DLG2: variants seen among roughly 807,000 people sequenced by gnomAD.
DLG2 encodes the protein discs large MAGUK scaffold protein 2.
In DLG2, 45 loss-of-function variants were observed where a neutral mutation model predicts 132.5. The ratio of observed to expected loss-of-function variants is 0.34; its 90% CI spans 0.27 to 0.44. The LOEUF (loss-of-function observed/expected upper bound fraction) is 0.44. Among genes scored for constraint, DLG2 ranks in the 20% least tolerant of loss-of-function variants. The pLI is 1.00. For missense variants in DLG2, 1,045 were observed against 1,196.9 expected, an observed-to-expected ratio of 0.87 and a Z score of 1.87; for synonymous variants, 424 against 419.6, an observed-to-expected ratio of 1.01 and a Z score of -0.13.
chr11:85,381,592 T>C (rs1270306729), intron 3 of DLG2, among the ~76,000 whole-genome samples: 2 of 152,108 alleles, frequency 1.3e-5, no homozygotes, highest in African/African-American at 4.8e-5. Context: ...ATCTCGTATA[T>C]AGAAAATACT....
intron 3 of DLG2, among the ~76,000 whole-genome samples, chr11:85,568,679 T>C (rs2077671108): frequency 6.6e-6 from 1 of 152,226 alleles, no homozygotes; most frequent in Admixed American, 6.5e-5. Context: ...ATTTCAACTA[T>C]GTTGTCTAAT....
At chr11:83,882,858 G>A (rs150129476) in intron 15 of DLG2, among the ~76,000 whole-genome samples, 1 of 152,172 alleles carries the variant, frequency 6.6e-6, no homozygotes, top group Non-Finnish European at 1.5e-5. Context: ...TAGCATGGGA[G>A]AATTTGGAGT....
chr11:84,227,439 T>G (rs2097017614), intron 8 of DLG2, among the ~76,000 whole-genome samples: 1 of 152,080 alleles, frequency 6.6e-6, no homozygotes, highest in Non-Finnish European at 1.5e-5. Flanking sequence ...GCAAAGAGGA[T>G]TGAACCCCCT....
intron 7 of DLG2, among the ~76,000 whole-genome samples, chr11:84,480,067 ATTC>A (rs1367764905): frequency 6.6e-6 from 1 of 152,150 alleles, no homozygotes; most frequent in African/African-American, 2.4e-5. Flanking sequence ...TTTTGCTTAC[ATTC>A]TTCTCGTCAT....
intron 6 of DLG2, among the ~76,000 whole-genome samples, chr11:85,017,120 C>G (rs913995577): frequency 2.0e-5 from 3 of 152,144 alleles, no homozygotes. Flanking sequence ...TACTCTCTAG[C>G]CCTTTACTGG....
chr11:83,816,569 C>T (rs1171374059), intron 17 of DLG2, among the ~76,000 whole-genome samples: 2 of 151,966 alleles, frequency 1.3e-5, no homozygotes, highest in Non-Finnish European at 2.9e-5. Flanking sequence ...ATAATACATG[C>T]AGTGTAAGGT....
chr11:85,044,857 G>A (rs1420996382), intron 6 of DLG2, among the ~76,000 whole-genome samples: 1 of 151,926 alleles, frequency 6.6e-6, no homozygotes, highest in Non-Finnish European at 1.5e-5. Context: ...ATGTTTATAG[G>A]AGTTTCATTT....
At chr11:83,719,627 G>A (rs1425207083) in intron 18 of DLG2, among the ~76,000 whole-genome samples, 7 of 152,106 alleles carry the variant, frequency 4.6e-5, no homozygotes, top group Middle Eastern at 3.2e-3. Flanking sequence ...AGCTCTGAAG[G>A]AATTTACTCA....
intron 5 of DLG2, among the ~76,000 whole-genome samples, chr11:85,151,986 T>C (rs181607306): frequency 9.2e-5 from 14 of 152,264 alleles, no homozygotes; most frequent in Admixed American, 9.2e-4. Context: ...CATAAAAACA[T>C]TCTTTCCCAC....
At position 84,217,346 on chromosome 11, in the gene DLG2, G is replaced by A. The variant is rs144909620; in HGVS notation, c.573+33892C>T. 1.9e-3 allele frequency among the ~76,000 whole-genome samples: 296 copies of A among 152,230 alleles called. 1 individual carries two copies. Among genetic ancestry groups the A allele is most frequent in the African/African-American group, 6.8e-3 (284 of 41,508 alleles). Reference sequence around the variant, plus strand: ...GGCAGGTCTTTCCTGTGCTATTCTCGTGATAGTGAATAAGTCTTATTAGAT... The same window carrying A: ...GGCAGGTCTTTCCTGTGCTATTCTCATGATAGTGAATAAGTCTTATTAGAT... On this transcript the variant is annotated intron_variant, in intron 8 of 27. Transcript: ENST00000376104.
intron 22 of DLG2, among the ~76,000 whole-genome samples, chr11:83,482,692 T>TAACA (rs1474115519): frequency 6.6e-6 from 1 of 152,042 alleles, no homozygotes; most frequent in Non-Finnish European, 1.5e-5. Flanking sequence ...TCAAAGTTAA[T>TAACA]AACAAATAAA....
intron 4 of DLG2, among the ~76,000 whole-genome samples, chr11:85,178,902 GT>G (rs1382839004): frequency 1.3e-5 from 2 of 151,794 alleles, no homozygotes; most frequent in African/African-American, 2.4e-5. Flanking sequence ...TCTTCTCAGA[GT>G]ATCATGAAAG....
chr11:84,977,578 G>A (rs2055081899), intron 6 of DLG2, among the ~76,000 whole-genome samples: 2 of 152,056 alleles, frequency 1.3e-5, no homozygotes, highest in African/African-American at 4.8e-5. Flanking sequence ...TAGACCTTTT[G>A]TTCTAAGTGA....
intron 6 of DLG2, among the ~76,000 whole-genome samples, chr11:85,054,954 C>G (rs574776581): frequency 6.6e-6 from 1 of 152,068 alleles, no homozygotes; most frequent in Non-Finnish European, 1.5e-5. Flanking sequence ...CCAGTACGAA[C>G]GCAGCATCAT....
intron 8 of DLG2, chr11:84,166,735 G>T: frequency 2.9e-6 from 1 of 343,238 alleles, no homozygotes; most frequent in Non-Finnish European, 5.8e-6. Flanking sequence ...CCATAATCTT[G>T]TGTATCCTCA....
chr11:85,515,061 T>C (rs1398244003), intron 3 of DLG2, among the ~76,000 whole-genome samples: 2 of 151,832 alleles, frequency 1.3e-5, no homozygotes, highest in African/African-American at 2.4e-5. Flanking sequence ...ATATTAAAAA[T>C]AATTTGGTGG....
chr11:85,080,710 G>T (rs1485933236), intron 6 of DLG2, among the ~76,000 whole-genome samples: 3 of 152,064 alleles, frequency 2.0e-5, no homozygotes, highest in African/African-American at 7.2e-5. Context: ...TACCACAAAG[G>T]GATAGTTAAC....
intron 6 of DLG2, among the ~76,000 whole-genome samples, chr11:84,975,858 G>T (rs547405645): frequency 6.6e-6 from 1 of 152,076 alleles, no homozygotes; most frequent in Admixed American, 6.6e-5. Flanking sequence ...GTTGTTTTCC[G>T]CCAGTCTTCA....
At chr11:84,278,385 C>T (rs953544189) in intron 7 of DLG2, among the ~76,000 whole-genome samples, 3 of 152,040 alleles carry the variant, frequency 2.0e-5, no homozygotes, top group Admixed American at 1.3e-4. Context: ...CTGATAAATT[C>T]CCTCTAAATA....
Sources: gnomAD v4.1 joint callset for allele counts (sites outside exome capture counted in the v4.1 genomes callset) on GRCh38, gnomAD v4.1.1 for gene constraint, MANE v1.5 for transcripts, NCBI Gene and HGNC (gene_info 2026-07-23, HGNC 2026-07-21) for gene names.